Variants in CDH13 observed in about 807,000 individuals in gnomAD.
The protein encoded by CDH13 is cadherin-13.
CDH13 carries 24 observed loss-of-function variants against 63.8 expected under a neutral mutation model. The observed-to-expected ratio is 0.38, with a 90% confidence interval of 0.27 to 0.53. The LOEUF (loss-of-function observed/expected upper bound fraction) is 0.53, where lower values mean the gene tolerates loss of function less well. Among genes scored for constraint, CDH13 ranks in the 20% least tolerant of loss-of-function variants. The pLI is 0.85. For synonymous variants in CDH13, 503 were observed against 355.3 expected (o/e 1.42, Z -4.67); for missense variants, 1,049 against 903.1 (o/e 1.16, Z -2.07).
At chr16:82,937,167 A>G (rs143017051) in intron 2 of CDH13, among the ~76,000 whole-genome samples, 7 of 152,312 alleles carry the variant, frequency 4.6e-5, no homozygotes, top group Non-Finnish European at 1.0e-4. Context: ...TGGTCACGCT[A>G]CTGCTGCATT....
intron 5 of CDH13, among the ~76,000 whole-genome samples, chr16:83,222,640 A>G (rs1362317323): frequency 1.3e-5 from 2 of 152,076 alleles, no homozygotes; most frequent in Non-Finnish European, 2.9e-5. Flanking sequence ...CATGCTATGT[A>G]AGTCTTCTTT....
chr16:83,312,906 A>T (rs1249348276), intron 5 of CDH13, among the ~76,000 whole-genome samples: 1 of 152,202 alleles, frequency 6.6e-6, no homozygotes, highest in Non-Finnish European at 1.5e-5. Context: ...CTGGCACCAT[A>T]GCTGTGTTGC....
intron 5 of CDH13, among the ~76,000 whole-genome samples, chr16:83,224,468 C>G (rs10781997): frequency 0.98 from 149,697 of 152,322 alleles, 73,622 homozygotes; most frequent in East Asian, 1. Flanking sequence ...ACCTAGGAGA[C>G]TGTGTTCTCA....
intron 4 of CDH13, among the ~76,000 whole-genome samples, chr16:83,133,777 G>A (rs1273602496): frequency 6.6e-6 from 1 of 152,172 alleles, no homozygotes; most frequent in East Asian, 1.9e-4. Flanking sequence ...GGGATTACAG[G>A]TGTGACCCAC....
At chr16:82,955,915 T>G (rs1309062689) in intron 2 of CDH13, among the ~76,000 whole-genome samples, 3 of 152,188 alleles carry the variant, frequency 2.0e-5, no homozygotes, top group African/African-American at 7.2e-5. Flanking sequence ...CCTAGCATAA[T>G]CAAATACTAC....
intron 5 of CDH13, among the ~76,000 whole-genome samples, chr16:83,252,129 C>CACACACACACACACAT (rs377101317): frequency 0.15 from 13,126 of 88,438 alleles, 723 homozygotes; most frequent in Non-Finnish European, 0.18. Context: ...CACACACACA[C>CACACACACACACACAT]ATATATATGT....
At chr16:83,558,531 A>T (rs921242696) in intron 7 of CDH13, among the ~76,000 whole-genome samples, 1 of 152,218 alleles carries the variant, frequency 6.6e-6, no homozygotes, top group Non-Finnish European at 1.5e-5. Flanking sequence ...AGCAACGTGG[A>T]CCACAGGTCT....
intron 8 of CDH13, among the ~76,000 whole-genome samples, chr16:83,608,771 G>T (rs1001142088): frequency 2.0e-5 from 3 of 149,452 alleles, no homozygotes; most frequent in Non-Finnish European, 4.4e-5. Flanking sequence ...GCTTCCCAAA[G>T]TGCTGGGATT....
At chr16:83,749,489 T>C (rs1007634664) in intron 11 of CDH13, among the ~76,000 whole-genome samples, 1 of 152,178 alleles carries the variant, frequency 6.6e-6, no homozygotes, top group Admixed American at 6.5e-5. Context: ...AAAAAATAAC[T>C]GTTGTGTCTG....
intron 2 of CDH13, among the ~76,000 whole-genome samples, chr16:82,998,883 G>T (rs796286212): frequency 4.0e-5 from 4 of 100,188 alleles, no homozygotes; most frequent in African/African-American, 1.9e-4. Flanking sequence ...TTTTTTTGCA[G>T]ATACTGCCCC....
chr16:83,014,746 ATATATAT>A (rs1567745486), intron 2 of CDH13, among the ~76,000 whole-genome samples: 26 of 32,842 alleles, frequency 7.9e-4, no homozygotes, highest in African/African-American at 1.2e-3. Flanking sequence ...AAAAAAAAAT[ATATATAT>A]ATATATATAT....
intron 2 of CDH13, among the ~76,000 whole-genome samples, chr16:82,974,824 G>C (rs980852947): frequency 1.3e-5 from 2 of 152,232 alleles, no homozygotes; most frequent in Non-Finnish European, 2.9e-5. Flanking sequence ...GAGCCTTCAA[G>C]AGTCTCCATG....
At chr16:83,231,387 T>C (rs796388062) in intron 5 of CDH13, among the ~76,000 whole-genome samples, 4 of 152,224 alleles carry the variant, frequency 2.6e-5, no homozygotes, top group African/African-American at 7.2e-5. Context: ...GGATTCACCT[T>C]TGATTGTACT....
rs142071855 is a variant in CDH13 at position 82,917,415 on chromosome 16, A to T, written c.157+58942A>T. ...TTAATAGACAGGGCAGAAATGAAAG[A>T]AAGAAAGATTCTTCACAGGGAAGTC... On this transcript the variant is annotated intron_variant, in intron 2 of 13. Coordinates refer to ENST00000567109, the MANE Select transcript of CDH13 (RefSeq NM_001257.5). Among the ~76,000 whole-genome samples, 26 of 152,308 alleles carry T rather than the reference A, an allele frequency of 1.7e-4. No individual in the cohort carries two copies. The East Asian group carries it at 3.9e-3, about 23-fold the overall frequency.
chr16:83,038,302 G>A (rs1029880372), intron 3 of CDH13, among the ~76,000 whole-genome samples: 13 of 152,084 alleles, frequency 8.5e-5, no homozygotes, highest in Non-Finnish European at 1.8e-4. Flanking sequence ...CCCCAAATCT[G>A]TGAGGTCTGA....
intron 5 of CDH13, among the ~76,000 whole-genome samples, chr16:83,221,791 C>T (rs1011758887): frequency 1.4e-4 from 22 of 151,988 alleles, no homozygotes; most frequent in African/African-American, 5.3e-4. Flanking sequence ...GGGAGATGCT[C>T]AGATAACTGG....
chr16:82,854,910 T>C (rs964019821), intron 1 of CDH13, among the ~76,000 whole-genome samples: 2 of 152,194 alleles, frequency 1.3e-5, no homozygotes, highest in Non-Finnish European at 2.9e-5. Context: ...ACCTTTCTCA[T>C]TGCTTTGGAC....
At chr16:82,831,593 C>A (rs1029181229) in intron 1 of CDH13, among the ~76,000 whole-genome samples, 15 of 152,104 alleles carry the variant, frequency 9.9e-5, no homozygotes, top group African/African-American at 2.7e-4. Context: ...GACCACACTA[C>A]CCGAAGAGAA....
chr16:82,644,054 G>A lies in CDH13; in HGVS notation c.45+16917G>A, dbSNP rs1033742790. 6.6e-6 allele frequency among the ~76,000 whole-genome samples: 1 copy of A among 152,148 alleles called. No homozygotes were observed. The highest frequency in any genetic ancestry group is 1.5e-5 in the Non-Finnish European group (1 of 68,022). ...TTAAAAGTAGTAAGTGGTTTAGGAT[G>A]GGGGGTGGTATGGAGGTCGGGTGGG... On this transcript the variant is annotated intron_variant, in intron 1 of 13. Coordinates refer to ENST00000567109, the MANE Select transcript of CDH13 (RefSeq NM_001257.5). This position sits in a 1 kb window ranked among gnomAD's most constrained non-coding sequence, Gnocchi z 5.7.
Sources: allele counts gnomAD v4.1 joint callset (sites outside exome capture counted in the v4.1 genomes callset), GRCh38; gene constraint gnomAD v4.1.1; non-coding constraint Gnocchi (gnomAD v3.1); transcripts MANE v1.5; gene names NCBI Gene and HGNC (gene_info 2026-07-23, HGNC 2026-07-21).